SENP8: variants seen among roughly 807,000 people sequenced by gnomAD.
The protein encoded by SENP8 is SUMO peptidase family member, NEDD8 specific.
SENP8 carries 10 observed loss-of-function variants against 14.4 expected under a neutral mutation model. The observed-to-expected ratio is 0.69, with a 90% CI of 0.43 to 1.18. The LOEUF is 1.18. Among genes scored for constraint, SENP8 ranks in the 50% most tolerant of loss-of-function variants. SENP8 has a pLI of 0.00. For missense variants in SENP8, 202 were observed against 249.4 expected, an observed-to-expected ratio of 0.81 and a Z score of 1.28; for synonymous variants, 94 against 95.5, an observed-to-expected ratio of 0.98 and a Z score of 0.09.
chr15:72,142,666 A>G lies in SENP8; in HGVS notation c.*2404A>G, dbSNP rs2081387826. The G allele has an allele frequency of 6.6e-6, 1 of 152,232 alleles. No individual in the cohort carries two copies. Among genetic ancestry groups the G allele is most frequent in the African/African-American group, 2.4e-5 (1 of 41,460 alleles). The allele number at this position is 152,232 out of a possible 1,614,324, so 9.4% of individuals were successfully genotyped here. On this transcript the variant is annotated 3_prime_UTR_variant, in exon 2 of 2. Coordinates refer to ENST00000340912, the MANE Select transcript of SENP8 (RefSeq NM_145204.4). ...TAAACCCAGCTATAAATGGTTGTAG[A>G]AAATATAAGTATCAGTGGGTTTCCT...
chr15:72,118,173 T>G (rs2081077224), upstream of SENP8: 1 of 361,802 alleles, frequency 2.8e-6, no homozygotes, highest in African/African-American at 2.1e-5. Context: ...CGCCCCCTAC[T>G]GCCAGCACGG....
chr15:72,134,018 G>A (rs145064143), intron 1 of SENP8, among the ~76,000 whole-genome samples: 222 of 152,180 alleles, frequency 1.5e-3, no homozygotes, highest in African/African-American at 4.7e-3. Context: ...GCGCTATCTA[G>A]ACTCACTGCA....
chr15:72,117,664 C>A (rs539093897), upstream of SENP8: 1 of 396,306 alleles, frequency 2.5e-6, no homozygotes, highest in Non-Finnish European at 4.4e-6. Flanking sequence ...CCGCTGGGCG[C>A]TTGGGCGGGT....
chr15:72,135,866 T>A (rs2081323256), intron 1 of SENP8, among the ~76,000 whole-genome samples: 1 of 152,206 alleles, frequency 6.6e-6, no homozygotes, highest in South Asian at 2.1e-4. Flanking sequence ...GTTGGGTTGG[T>A]GTTGAAGACT....
At chr15:72,128,252 T>C (rs541357106) in intron 1 of SENP8, among the ~76,000 whole-genome samples, 1 of 152,310 alleles carries the variant, frequency 6.6e-6, no homozygotes, top group Admixed American at 6.5e-5. Flanking sequence ...CAGGCAAAAT[T>C]GGGACACATA....
intron 1 of SENP8, among the ~76,000 whole-genome samples, chr15:72,119,137 A>G (rs2081116350): frequency 6.6e-6 from 1 of 152,358 alleles, no homozygotes; most frequent in East Asian, 1.9e-4. Flanking sequence ...TATGGCCCTC[A>G]GGAATGTTTT....
At chr15:72,115,295 T>A (rs2080931148), upstream of SENP8, among the ~76,000 whole-genome samples, 1 of 152,222 alleles carries the variant, frequency 6.6e-6, no homozygotes, top group East Asian at 1.9e-4. Context: ...CAGAACCTGA[T>A]ACTGAGCTTC....
At chr15:72,124,426 T>C (rs1318701905) in intron 1 of SENP8, among the ~76,000 whole-genome samples, 1 of 152,038 alleles carries the variant, frequency 6.6e-6, no homozygotes, top group Non-Finnish European at 1.5e-5. Flanking sequence ...TGGGGGGAAA[T>C]TGAAACCCCA....
chr15:72,118,076 TCGCGCGCCCCCGACCCCGCG>T (rs2081071143), upstream of SENP8: 4 of 394,324 alleles, frequency 1.0e-5, no homozygotes, highest in Non-Finnish European at 1.8e-5. Flanking sequence ...TCCGCTTCGG[TCGCGCGCCCCCGACCCCGCG>T]CACGCGGCCC....
intron 1 of SENP8, among the ~76,000 whole-genome samples, chr15:72,139,024 G>A (rs1379055311): frequency 2.1e-5 from 3 of 142,898 alleles, no homozygotes; most frequent in Non-Finnish European, 4.6e-5. Context: ...CAATAACATA[G>A]CCAATTAATA....
chr15:72,132,490 C>T (rs7175907), intron 1 of SENP8, among the ~76,000 whole-genome samples: 6,714 of 152,018 alleles, frequency 0.044, 262 homozygotes, highest in East Asian at 0.18. Flanking sequence ...TCAGATATGC[C>T]AGGCACAGTG....
At position 72,140,181 on chromosome 15, in the gene SENP8, G is replaced by GCTGCAGCTACTCACCC. The variant is rs1466077829; in HGVS notation, c.564_579dup (p.Tyr194AlafsTer23). 1 of 1,614,028 alleles carries GCTGCAGCTACTCACCC rather than the reference G, an allele frequency of 6.2e-7. No individual in the cohort carries two copies. Among genetic ancestry groups the GCTGCAGCTACTCACCC allele is most frequent in the Non-Finnish European group, 8.5e-7 (1 of 1,180,018 alleles). On this transcript the variant is annotated frameshift_variant, in exon 2 of 2. Transcript: ENST00000340912. LOFTEE classifies it high-confidence loss of function. The stretch of plus-strand genomic sequence containing the variant: ...TCTTTAGGCAACAGACAGAATCACT[G>GCTGCAGCTACTCACCC]CTGCAGCTACTCACCCCTGCATACA...
intron 1 of SENP8, among the ~76,000 whole-genome samples, chr15:72,125,293 A>T (rs1261788312): frequency 2.6e-5 from 4 of 152,206 alleles, no homozygotes; most frequent in Admixed American, 2.0e-4. Flanking sequence ...AGCAATGCTA[A>T]TTATTATTAG....
At chr15:72,135,987 G>T (rs1330373635) in intron 1 of SENP8, among the ~76,000 whole-genome samples, 1 of 152,182 alleles carries the variant, frequency 6.6e-6, no homozygotes, top group African/African-American at 2.4e-5. Context: ...AGAGACAGAT[G>T]CTGTAGCCAG....
intron 1 of SENP8, among the ~76,000 whole-genome samples, chr15:72,128,054 C>T (rs1275136561): frequency 6.6e-6 from 1 of 151,560 alleles, no homozygotes; most frequent in African/African-American, 2.4e-5. Flanking sequence ...GATTGCACCA[C>T]TGCACTCCAT....
chr15:72,127,925 T>TA (rs138516875), intron 1 of SENP8, among the ~76,000 whole-genome samples: 16 of 149,634 alleles, frequency 1.1e-4, no homozygotes, highest in East Asian at 3.9e-4. Context: ...CCTGCCTCTA[T>TA]AAAAAAAAAT....
At chr15:72,118,627 C>T (rs1174073057) in intron 1 of SENP8, 163 bp downstream of exon 1, 1 of 152,300 alleles carries the variant, frequency 6.6e-6, no homozygotes, top group Non-Finnish European at 1.5e-5. Context: ...TCTCTCCACC[C>T]ACTGCCCCCT....
At chr15:72,124,504 G>A (rs2081196066) in intron 1 of SENP8, among the ~76,000 whole-genome samples, 1 of 152,172 alleles carries the variant, frequency 6.6e-6, no homozygotes, top group Non-Finnish European at 1.5e-5. Flanking sequence ...TCTTGGATGT[G>A]ATTCTTTTTG....
At chr15:72,132,886 T>C (rs780487299) in intron 1 of SENP8, among the ~76,000 whole-genome samples, 16 of 152,132 alleles carry the variant, frequency 1.1e-4, no homozygotes, top group East Asian at 1.9e-4. Context: ...AAAAATCTAA[T>C]TGGGCTGGGC....
Sources: gnomAD v4.1 joint callset for allele counts (sites outside exome capture counted in the v4.1 genomes callset) on GRCh38, gnomAD v4.1.1 for gene constraint, MANE v1.5 for transcripts, NCBI Gene and HGNC (gene_info 2026-07-23, HGNC 2026-07-21) for gene names.